Variants in SYNJ2 observed in about 807,000 individuals in gnomAD.
SYNJ2 encodes the protein polyphosphatidylinositol phosphatase SYNJ2.
SYNJ2 carries 116 observed loss-of-function variants against 141.3 expected under a neutral mutation model. The ratio of observed to expected loss-of-function variants is 0.82; its 90% CI spans 0.71 to 0.96. The LOEUF is 0.96. Among genes scored for constraint, SYNJ2 ranks in the 40% least tolerant of loss-of-function variants. The probability of loss-of-function intolerance (pLI) is 0.00; values close to 1 mark genes in which losing one functional copy is unlikely to be tolerated. For missense variants in SYNJ2, 1,873 were observed against 1,934.8 expected (o/e 0.97, Z 0.60); for synonymous variants, 745 against 777.7 (o/e 0.96, Z 0.70).
At position 158,084,708 on chromosome 6, in the gene SYNJ2, CAG is replaced by C. The variant is rs1160307731; in HGVS notation, c.3208+535_3208+536del. ...ATGCCTGTAATCCCAGCTACTCAGG[CAG>C]CTGAAGCAGGAGAATCGCTTGAGCT... is the stretch of plus-strand genomic sequence containing the variant. On this transcript the variant is annotated intron_variant, in intron 22 of 26. Transcript: ENST00000355585. The surrounding 1 kb of genome is among the most constrained non-coding windows in gnomAD (Gnocchi z 5.0). 6.6e-6 allele frequency among the ~76,000 whole-genome samples: 1 copy of C among 152,026 alleles called. No individual in the cohort carries two copies. The highest frequency in any genetic ancestry group is 1.9e-4 in the East Asian group (1 of 5,158).
intron 1 of SYNJ2, among the ~76,000 whole-genome samples, chr6:158,010,202 G>A (rs531374139): frequency 1.3e-5 from 2 of 152,320 alleles, no homozygotes; most frequent in East Asian, 1.9e-4. Context: ...TTACAGGTGC[G>A]AGCCACCATG....
At chr6:158,042,734 T>C (rs1328854756) in intron 4 of SYNJ2, among the ~76,000 whole-genome samples, 11 of 152,198 alleles carry the variant, frequency 7.2e-5, no homozygotes, top group Non-Finnish European at 1.6e-4. Context: ...GAAACCGTGT[T>C]GTGTGTGTTA....
In SYNJ2 at chr6:158,043,295, T is replaced by G. The variant is rs1278527370; in HGVS notation, c.712-21T>G. 3 of 1,610,382 alleles carry G rather than the reference T, an allele frequency of 1.9e-6. No homozygotes were observed. Among genetic ancestry groups the G allele is most frequent in the Non-Finnish European group, 2.5e-6 (3 of 1,176,878 alleles). On this transcript the variant is annotated intron_variant, in intron 4 of 26. Coordinates refer to ENST00000355585, the MANE Select transcript of SYNJ2 (RefSeq NM_003898.4). This position sits in a 1 kb window ranked among gnomAD's most constrained non-coding sequence, Gnocchi z 4.0. ...GTTTCATTGAAGAATACCTTTCCCT[T>G]TCTGTTTCCTTGTGCCGCAGATGAT...
At chr6:158,068,800 G>A in intron 13 of SYNJ2, 72 bp downstream of exon 13, 1 of 1,553,184 alleles carries the variant, frequency 6.4e-7, no homozygotes, top group South Asian at 1.1e-5. Context: ...CAGAGCCTCT[G>A]AGGCTCTCCG....
intron 8 of SYNJ2, 132 bp from the exon 9 acceptor site, chr6:158,063,659 C>CAAAAAAAAAAA: frequency 5.3e-6 from 1 of 187,488 alleles, no homozygotes; most frequent in Non-Finnish European, 9.6e-6. Context: ...GACTCTGTCT[C>CAAAAAAAAAAA]AAAAAAAAAA....
intron 26 of SYNJ2, chr6:158,094,062 C>T: frequency 1.3e-6 from 1 of 753,736 alleles, no homozygotes; most frequent in South Asian, 1.4e-5. Context: ...GTCATCACAG[C>T]ACGATGCTGC....
intron 1 of SYNJ2, among the ~76,000 whole-genome samples, chr6:158,004,467 A>T (rs143413260): frequency 6.6e-6 from 1 of 152,338 alleles, no homozygotes; most frequent in African/African-American, 2.4e-5. Flanking sequence ...TACAAATGCC[A>T]TGGCAAAATC....
chr6:158,057,076 G>A (rs989439153), intron 6 of SYNJ2, among the ~76,000 whole-genome samples: 32 of 152,076 alleles, frequency 2.1e-4, no homozygotes, highest in East Asian at 5.8e-4. Context: ...CCCGCTCTGC[G>A]GGCGGCTGCT....
At position 158,028,999 on chromosome 6, in the gene SYNJ2, G is replaced by T; in HGVS notation, c.458G>T (p.Ser153Ile). 6.4e-7 allele frequency: 1 copy of T among 1,556,536 alleles called. No individual in the cohort carries two copies. The highest frequency in any genetic ancestry group is 8.7e-7 in the Non-Finnish European group (1 of 1,155,780). ...CGCACGCAGAAGCAGGGGGATGACAGCTCTGAATGGGGGAACTCCTTCTTC... is the reference window on the plus strand; with the variant it reads ...CGCACGCAGAAGCAGGGGGATGACATCTCTGAATGGGGGAACTCCTTCTTC... ...TVRTQKQGDD[S>I]SEWGNSFFWN... Residue 153 changes from serine (S) to isoleucine (I), a missense_variant, in exon 3 of 27, where the codon AGC (serine) becomes ATC (isoleucine). By Grantham distance (142) the Ser-to-Ile change is moderately radical. Coordinates refer to ENST00000355585, the MANE Select transcript of SYNJ2 (RefSeq NM_003898.4).
intron 23 of SYNJ2, among the ~76,000 whole-genome samples, chr6:158,088,354 A>C (rs752550658): frequency 5.3e-5 from 8 of 152,128 alleles, no homozygotes; most frequent in Non-Finnish European, 8.8e-5. Context: ...ATTTGGAACC[A>C]TTTCAAAATC....
At chr6:158,095,475 C>T in intron 26 of SYNJ2, 143 bp from the exon 27 acceptor site, 7 of 1,074,138 alleles carry the variant, frequency 6.5e-6, no homozygotes, top group Non-Finnish European at 2.6e-6. Context: ...ACATTTCTGG[C>T]ACCCCACACA....
In SYNJ2 at chr6:158,093,114, T is replaced by G; in HGVS notation, c.3744+10T>G. The stretch of plus-strand genomic sequence containing the variant: ...GAGAAGGACAGGAAAGGTAAAAGCC[T>G]GGTAACATAAAACCTCTTACTCCTA... On this transcript the variant is annotated intron_variant, in intron 26 of 26. Coordinates refer to ENST00000355585, the MANE Select transcript of SYNJ2 (RefSeq NM_003898.4). 6.2e-7 allele frequency: 1 copy of G among 1,607,500 alleles called. No individual in the cohort carries two copies. Among genetic ancestry groups the G allele is most frequent in the African/African-American group, 1.3e-5 (1 of 74,222 alleles).
At chr6:157,998,475 G>C (rs1002194111) in intron 1 of SYNJ2, among the ~76,000 whole-genome samples, 1 of 152,224 alleles carries the variant, frequency 6.6e-6, no homozygotes, top group Non-Finnish European at 1.5e-5. Flanking sequence ...CTTGATTGGG[G>C]TTCCCAGGGA....
intron 13 of SYNJ2, among the ~76,000 whole-genome samples, chr6:158,068,932 A>G (rs1054256882): frequency 1.3e-5 from 2 of 152,186 alleles, no homozygotes; most frequent in African/African-American, 4.8e-5. Context: ...CTTAGGAAGT[A>G]AAAGGAAGGG....
chr6:158,047,799 A>AAAAAAAAAAAAAAC (rs1562355896), intron 5 of SYNJ2, among the ~76,000 whole-genome samples: 2 of 149,806 alleles, frequency 1.3e-5, no homozygotes, highest in African/African-American at 4.9e-5. Flanking sequence ...AAAAAAAAAA[A>AAAAAAAAAAAAAAC]AAAAAACACA....
At chr6:158,021,244 A>G (rs1778754743) in intron 2 of SYNJ2, among the ~76,000 whole-genome samples, 1 of 152,224 alleles carries the variant, frequency 6.6e-6, no homozygotes, top group African/African-American at 2.4e-5. Context: ...GAAGCTGTAC[A>G]CGACAGCCCT....
At chr6:158,048,134 A>T (rs954922655) in intron 5 of SYNJ2, among the ~76,000 whole-genome samples, 1 of 152,180 alleles carries the variant, frequency 6.6e-6, no homozygotes, top group South Asian at 2.1e-4. Context: ...CAGGGATCAG[A>T]TACAGTCCCT....
intron 5 of SYNJ2, among the ~76,000 whole-genome samples, chr6:158,052,520 GC>G (rs1780629067): frequency 6.6e-6 from 1 of 152,230 alleles, no homozygotes; most frequent in Non-Finnish European, 1.5e-5. Context: ...GTCTCAGGAA[GC>G]TTACAGTCAT....
In SYNJ2 at chr6:158,063,873, G is replaced by T; in HGVS notation, c.1209+1G>T. 6.2e-7 allele frequency: 1 copy of T among 1,613,314 alleles called. No homozygotes were observed. Among genetic ancestry groups the T allele is most frequent in the Non-Finnish European group, 8.5e-7 (1 of 1,179,662 alleles). On this transcript the variant is annotated splice_donor_variant, in intron 9 of 26. Transcript: ENST00000355585. LOFTEE classifies it high-confidence loss of function. Reference sequence around the variant, plus strand: ...TGTGCAGAGCTTCATCGCGCTCGAGGTGCGTCCCTGCCACAGCCTTTTCGG... The same window carrying T: ...TGTGCAGAGCTTCATCGCGCTCGAGTTGCGTCCCTGCCACAGCCTTTTCGG...
Sources: gnomAD v4.1 joint callset for allele counts (sites outside exome capture counted in the v4.1 genomes callset) on GRCh38, gnomAD v4.1.1 for gene constraint, Gnocchi (gnomAD v3.1) non-coding constraint, MANE v1.5 for transcripts, NCBI Gene and HGNC (gene_info 2026-07-23, HGNC 2026-07-21) for gene names.